The following GLG1 variants were observed in gnomAD, a reference collection of about 807,000 sequenced individuals.
The protein encoded by GLG1 is golgi glycoprotein 1.
In GLG1, 38 loss-of-function variants were observed where a neutral mutation model predicts 160.5. The ratio of observed to expected loss-of-function variants is 0.24; its 90% CI spans 0.18 to 0.31. The LOEUF (loss-of-function observed/expected upper bound fraction) is 0.31. Among genes scored for constraint, GLG1 ranks in the 10% least tolerant of loss-of-function variants. The pLI is 1.00. For missense variants in GLG1, 1,373 were observed against 1,505.2 expected, an observed-to-expected ratio of 0.91 and a Z score of 1.45; for synonymous variants, 644 against 543.4, an observed-to-expected ratio of 1.19 and a Z score of -2.57.
At chr16:74,471,898 T>C (rs755005969) in intron 14 of GLG1, among the ~76,000 whole-genome samples, 8 of 95,754 alleles carry the variant, frequency 8.4e-5, no homozygotes, top group Non-Finnish European at 1.5e-4. Flanking sequence ...CATCTCTCTC[T>C]CGATCTTGTT....
intron 2 of GLG1, among the ~76,000 whole-genome samples, chr16:74,519,272 G>A (rs754665631): frequency 6.6e-6 from 1 of 151,430 alleles, no homozygotes; most frequent in African/African-American, 2.4e-5. Context: ...ACTCATACGT[G>A]GTAGTTGAAC....
At chr16:74,455,038 G>C (rs910601650) in intron 25 of GLG1, among the ~76,000 whole-genome samples, 14 of 152,228 alleles carry the variant, frequency 9.2e-5, no homozygotes, top group East Asian at 7.7e-4. Context: ...GCTGCAGTGA[G>C]CCATGTTCAC....
chr16:74,499,437 C>T (rs1198318084), intron 4 of GLG1, among the ~76,000 whole-genome samples: 3 of 152,064 alleles, frequency 2.0e-5, no homozygotes, highest in African/African-American at 7.2e-5. Context: ...TGTACCTTTC[C>T]TATGTTTATA....
chr16:74,552,501 C>T (rs1343926348), intron 1 of GLG1: 2 of 443,054 alleles, frequency 4.5e-6, no homozygotes. Context: ...TGATTACCTC[C>T]ATCTGCCCCG....
At position 74,453,341 on chromosome 16, in the gene GLG1, T is replaced by C. The variant is rs745319094; in HGVS notation, c.3373-7A>G. ...AGCCATCTGCTGGGGCCACCTAGAA[T>C]GACACAAGGCAATGTGATTCTCTGA... is the stretch of plus-strand genomic sequence containing the variant. On this transcript the variant is annotated splice_region_variant and splice_polypyrimidine_tract_variant and intron_variant, in intron 25 of 25. Coordinates refer to ENST00000422840, the MANE Select transcript of GLG1 (RefSeq NM_001145667.2). The C allele has an allele frequency of 6.2e-7, 1 of 1,600,898 alleles. No homozygotes were observed. The highest frequency in any genetic ancestry group is 8.6e-7 in the Non-Finnish European group (1 of 1,168,206).
intron 3 of GLG1, among the ~76,000 whole-genome samples, chr16:74,507,966 T>A (rs574743874): frequency 5.8e-4 from 89 of 152,178 alleles, no homozygotes; most frequent in African/African-American, 2.0e-3. Context: ...ACGATATGCC[T>A]TTCTGCTCGG....
chr16:74,517,075 A>T (rs1428977663), intron 2 of GLG1, among the ~76,000 whole-genome samples: 1 of 152,172 alleles, frequency 6.6e-6, no homozygotes, highest in Non-Finnish European at 1.5e-5. Flanking sequence ...CCTATCAACC[A>T]AAAAAAGTCC....
chr16:74,453,378 G>A (rs1465062145), intron 25 of GLG1, 44 bp from the exon 26 acceptor site: 2 of 1,326,174 alleles, frequency 1.5e-6, no homozygotes, highest in South Asian at 1.2e-5. Context: ...AGAGCACTGG[G>A]CTGGTGGCAG....
At position 74,501,335 on chromosome 16, in the gene GLG1, T is replaced by A. The variant is rs565655301; in HGVS notation, c.774+2196A>T. Among the ~76,000 whole-genome samples the A allele has an allele frequency of 1.5e-3, 221 of 152,358 alleles. 1 individual carries two copies. The South Asian group carries it at 0.016, about 11-fold the overall frequency. On this transcript the variant is annotated intron_variant, in intron 4 of 25. Transcript: ENST00000422840. The stretch of plus-strand genomic sequence containing the variant: ...AAGAAAGCCTTTGATGCTGGTGTAG[T>A]GACCTGGTATAAACTGAAATTTCAC...
intron 3 of GLG1, among the ~76,000 whole-genome samples, chr16:74,505,333 C>T (rs572156865): frequency 4.6e-5 from 7 of 152,328 alleles, no homozygotes; most frequent in African/African-American, 1.7e-4. Context: ...AAATAATAGT[C>T]TCACACTGGT....
chr16:74,555,542 T>A (rs2018328280), intron 1 of GLG1, among the ~76,000 whole-genome samples: 1 of 151,694 alleles, frequency 6.6e-6, no homozygotes, highest in Non-Finnish European at 1.5e-5. Context: ...ATTAAAAGAT[T>A]GGCCAGGTGT....
At position 74,491,070 on chromosome 16, in the gene GLG1, C is replaced by T. The variant is rs756883466; in HGVS notation, c.1380G>A (p.Arg460=). The change falls in exon 8 of 26, where the codon CGG becomes CGA. Residue 460 remains arginine (R), a synonymous_variant. Transcript: ENST00000422840. ...CTACTTTCATCAGACAGTGTAGGGT[C>T]CGCCCTTTTCGATGTAATCCGGAAC... ...HHCSGLHRKG[R]TLHCLMKVVR... 7 of 1,614,170 alleles carry T rather than the reference C, an allele frequency of 4.3e-6. 1 individual carries two copies. The South Asian group carries it at 4.4e-5, about 10-fold the overall frequency.
intron 2 of GLG1, among the ~76,000 whole-genome samples, chr16:74,528,775 G>A (rs571923056): frequency 8.2e-6 from 1 of 122,680 alleles, no homozygotes; most frequent in Admixed American, 1.1e-4. Flanking sequence ...TCACACCATT[G>A]CACTGCAGCC....
At chr16:74,546,692 G>C (rs2018055162) in intron 1 of GLG1, among the ~76,000 whole-genome samples, 1 of 151,698 alleles carries the variant, frequency 6.6e-6, no homozygotes. Flanking sequence ...ACAAAAGTTA[G>C]CCAGGCGTGG....
At chr16:74,530,633 CTT>C (rs548399536) in intron 2 of GLG1, among the ~76,000 whole-genome samples, 9 of 143,984 alleles carry the variant, frequency 6.3e-5, no homozygotes, top group South Asian at 2.2e-4. Flanking sequence ...TGTATTTATC[CTT>C]TTTTTTTTTT....
intron 2 of GLG1, among the ~76,000 whole-genome samples, chr16:74,525,081 A>G (rs528314744): frequency 2.4e-4 from 36 of 152,184 alleles, no homozygotes; most frequent in Non-Finnish European, 4.3e-4. Context: ...TCCATTTTTG[A>G]GCTTTTACTA....
At chr16:74,463,305 A>T (rs372767518) in intron 20 of GLG1, 51 bp downstream of exon 20, 3 of 1,594,022 alleles carry the variant, frequency 1.9e-6, no homozygotes, top group Non-Finnish European at 2.6e-6. Context: ...CAGCCACTGA[A>T]TTCCTTTTCA....
intron 10 of GLG1, among the ~76,000 whole-genome samples, chr16:74,482,158 T>A (rs2015624955): frequency 6.6e-6 from 1 of 150,594 alleles, no homozygotes; most frequent in Non-Finnish European, 1.5e-5. Flanking sequence ...CCTGGCTGAT[T>A]TTTTTTTAGT....
intron 1 of GLG1, among the ~76,000 whole-genome samples, chr16:74,537,240 G>C (rs1597322684): frequency 6.6e-6 from 1 of 152,016 alleles, no homozygotes; most frequent in South Asian, 2.1e-4. Context: ...AAGGAACTTG[G>C]GTAATGCTGT....
Sources: allele counts gnomAD v4.1 joint callset (sites outside exome capture counted in the v4.1 genomes callset), GRCh38; gene constraint gnomAD v4.1.1; transcripts MANE v1.5; gene names NCBI Gene and HGNC (gene_info 2026-07-23, HGNC 2026-07-21).